Variants in PCLO observed in about 807,000 individuals in gnomAD.
The protein encoded by PCLO is protein piccolo.
In PCLO, 82 loss-of-function variants were observed where a neutral mutation model predicts 427.5. That is an observed-to-expected ratio of 0.19 (90% confidence interval 0.16 to 0.23). PCLO has a LOEUF of 0.23. PCLO is among the 10% of genes least tolerant of loss of function. The probability of loss-of-function intolerance (pLI) is 1.00; values close to 1 mark genes in which losing one functional copy is unlikely to be tolerated. For missense variants in PCLO, 6,239 were observed against 6,115.9 expected (o/e 1.02, Z -0.67); for synonymous variants, 2,357 against 2,155.4 (o/e 1.09, Z -2.59).
chr7:82,838,330 A>C lies in PCLO; in HGVS notation c.14110T>G (p.Tyr4704Asp). ...TGTATTATGAGATTTCCAAGATCAT[A>C]GTTAATTTGAAGCTTTAGGAGAGAG... ...ITGEIQLQIN[Y>D]DLGNLIIHIL... is the part of the protein sequence containing the mutation. Residue 4704 changes from tyrosine (Y) to aspartate (D), a missense_variant, in exon 15 of 25, where the codon TAT (tyrosine) becomes GAT (aspartate). Tyr to Asp is a radical substitution (Grantham distance 160). Transcript: ENST00000333891. 6.7e-7 allele frequency: 1 copy of C among 1,503,312 alleles called. No individual in the cohort carries two copies. Among genetic ancestry groups the C allele is most frequent in the Non-Finnish European group, 9.1e-7 (1 of 1,096,164 alleles). The allele number at this position is 1,503,312 out of a possible 1,614,324, so 93.1% of individuals were successfully genotyped here. A position where few individuals can be genotyped will look rare whatever the true frequency, so the allele number is the denominator to read the frequency against.
At chr7:83,070,387 G>GT (rs1562949232) in intron 3 of PCLO, among the ~76,000 whole-genome samples, 3 of 130,286 alleles carry the variant, frequency 2.3e-5, no homozygotes, top group Non-Finnish European at 1.6e-5. Flanking sequence ...TACGTTTTGT[G>GT]GTTTTTTTTT....
intron 2 of PCLO, among the ~76,000 whole-genome samples, chr7:83,144,855 T>C (rs1286473752): frequency 1.9e-4 from 29 of 152,212 alleles, no homozygotes; most frequent in Admixed American, 1.9e-3. Context: ...TGCTACTTGA[T>C]TTCTTTAAGT....
chr7:82,953,514 G>C lies in PCLO; in HGVS notation c.7439C>G (p.Thr2480Ser), dbSNP rs1240127451. The stretch of plus-strand genomic sequence containing the variant: ...AGGAGGAACAGGAGGAGGTGCAGTA[G>C]TACATATTCTTGTAACAGGTAATCC... ...SNGLPVTRIC[T>S]TAPPPVPPKP... Residue 2480 changes from threonine to serine, a missense_variant, in exon 5 of 25, where the codon ACT becomes AGT. Physicochemically the swap from Thr to Ser is moderately conservative, Grantham distance 58. Around this residue, in one of 5 missense-constraint regions of PCLO, gnomAD observed 4,677 missense variants for 4,468.4 expected, o/e 1.05. Transcript: ENST00000333891. The C allele has an allele frequency of 6.2e-7, 1 of 1,613,520 alleles. No individual in the cohort carries two copies. The highest frequency in any genetic ancestry group is 2.2e-5 in the East Asian group (1 of 44,842).
chr7:82,891,004 G>T (rs1346683321), intron 9 of PCLO, among the ~76,000 whole-genome samples: 1 of 151,804 alleles, frequency 6.6e-6, no homozygotes, highest in Admixed American at 6.6e-5. Context: ...TGCCTAGTGG[G>T]ACTAATAAAT....
At chr7:82,798,884 C>A (rs1421686637) in intron 22 of PCLO, among the ~76,000 whole-genome samples, 1 of 152,096 alleles carries the variant, frequency 6.6e-6, no homozygotes, top group African/African-American at 2.4e-5. Context: ...CCATCCTCAA[C>A]CCCCGCCCCT....
chr7:82,975,906 T>A (rs1210893218), intron 3 of PCLO, among the ~76,000 whole-genome samples: 1 of 152,186 alleles, frequency 6.6e-6, no homozygotes, highest in Non-Finnish European at 1.5e-5. Context: ...CTCCTTTGCC[T>A]TCTGCCATGA....
chr7:82,773,881 AG>A (rs907922900), intron 22 of PCLO, among the ~76,000 whole-genome samples: 1 of 152,150 alleles, frequency 6.6e-6, no homozygotes, highest in African/African-American at 2.4e-5. Flanking sequence ...TGAAGGTAAG[AG>A]GAGAGAGCCC....
chr7:82,824,246 G>T lies in PCLO; in HGVS notation c.14586C>A (p.Asp4862Glu). 2 of 1,610,916 alleles carry T rather than the reference G, an allele frequency of 1.2e-6. No individual in the cohort carries two copies. Among genetic ancestry groups the T allele is most frequent in the Non-Finnish European group, 1.7e-6 (2 of 1,178,220 alleles). ...AAAAATATTTCCTACCCTTTGATGG[G>T]TCAGGGAAGATACCATGGCTTCTGC... The part of the protein sequence containing the change: ...IKSRSHGIFP[D>E]PSKDMQVPTI... Residue 4862 changes from aspartate to glutamate, a missense_variant, in exon 19 of 25, where the codon GAC (aspartate) becomes GAA (glutamate). Physicochemically the swap from Asp to Glu is conservative, Grantham distance 45 (BLOSUM62 2). Coordinates refer to ENST00000333891, the MANE Select transcript of PCLO (RefSeq NM_033026.6).
rs1337584117 is a variant in PCLO at position 83,162,398 on chromosome 7, C to A, written c.195G>T (p.Gly65=). 6.3e-7 allele frequency: 1 copy of A among 1,598,646 alleles called. No homozygotes were observed. Among genetic ancestry groups the A allele is most frequent in the Non-Finnish European group, 8.5e-7 (1 of 1,172,508 alleles). ...QIAAVMSRAQ[G]LPKGSVPPAA... ...CCGGGGGGACGCTTCCCTTGGGCAGCCCCTGCGCCCTTGACATGACAGCGG... is the reference window on the plus strand; with the variant it reads ...CCGGGGGGACGCTTCCCTTGGGCAGACCCTGCGCCCTTGACATGACAGCGG... Residue 65 remains glycine, a synonymous_variant, in exon 1 of 25, where the codon GGG becomes GGT. Coordinates refer to ENST00000333891, the MANE Select transcript of PCLO (RefSeq NM_033026.6).
chr7:82,792,535 C>T (rs62461384), intron 22 of PCLO, among the ~76,000 whole-genome samples: 4,933 of 152,064 alleles, frequency 0.032, 108 homozygotes, highest in South Asian at 0.053. Context: ...GTCATGTTGC[C>T]TAGGCTTCTC....
At chr7:82,761,097 C>A (rs138354320) in intron 23 of PCLO, among the ~76,000 whole-genome samples, 2 of 151,040 alleles carry the variant, frequency 1.3e-5, no homozygotes, top group African/African-American at 4.9e-5. Context: ...CAGGCAGGAG[C>A]GACCACACCT....
At chr7:82,770,722 G>T (rs928697628) in intron 22 of PCLO, among the ~76,000 whole-genome samples, 13 of 151,736 alleles carry the variant, frequency 8.6e-5, no homozygotes, top group African/African-American at 3.1e-4. Context: ...TCCTCTAAAA[G>T]ATCAAAGGCC....
chr7:83,060,212 T>A (rs1789510163), intron 3 of PCLO, among the ~76,000 whole-genome samples: 1 of 152,112 alleles, frequency 6.6e-6, no homozygotes, highest in African/African-American at 2.4e-5. Flanking sequence ...AGACCTGAGC[T>A]TCCTTTTAAA....
intron 3 of PCLO, among the ~76,000 whole-genome samples, chr7:83,077,145 T>C (rs1443610634): frequency 1.3e-5 from 2 of 152,168 alleles, no homozygotes. Flanking sequence ...GCCCTTTTCA[T>C]AGAAGCTAAC....
At position 82,768,218 on chromosome 7, in the gene PCLO, T is replaced by A. The variant is rs191172958; in HGVS notation, c.15008-6725A>T. 2.0e-5 allele frequency among the ~76,000 whole-genome samples: 3 copies of A among 151,956 alleles called. 1 individual carries two copies. Among genetic ancestry groups the A allele is most frequent in the Non-Finnish European group, 4.4e-5 (3 of 67,978 alleles). On this transcript the variant is annotated intron_variant, in intron 22 of 24. Coordinates refer to ENST00000333891, the MANE Select transcript of PCLO (RefSeq NM_033026.6). ...TGGATGGATCATTTGAGGACAGGAG[T>A]TCGAGACCAGCCTGGCCAACATGGC...
At chr7:83,114,723 G>A (rs1791089880) in intron 3 of PCLO, among the ~76,000 whole-genome samples, 1 of 151,920 alleles carries the variant, frequency 6.6e-6, no homozygotes, top group Non-Finnish European at 1.5e-5. Context: ...ATTGCATTGG[G>A]CCCATTAGTT....
rs574590559 is a variant in PCLO, at chr7:82,953,368, T to C, written c.7585A>G (p.Ile2529Val). 105 of 1,613,770 alleles carry C rather than the reference T, an allele frequency of 6.5e-5. 2 individuals are homozygous for C. The South Asian group carries it at 1.0e-3, about 16-fold the overall frequency. Residue 2529 changes from isoleucine to valine, a missense_variant, in exon 5 of 25, where the codon ATA becomes GTA. Transcript: ENST00000333891. ...GATAGGCCTGTTGGTTTGGGGTGTA[T>C]ATCTGTTGGTTTTTGTGTAGTTGTT... The part of the protein sequence containing the change: ...LPTTTQKPTD[I>V]HPKPTGLSLT...
intron 3 of PCLO, among the ~76,000 whole-genome samples, chr7:83,131,207 G>A (rs1405057190): frequency 6.6e-6 from 1 of 152,122 alleles, no homozygotes; most frequent in East Asian, 1.9e-4. Context: ...TAAAAGAATT[G>A]TCTCTTGCTG....
At chr7:82,840,358 T>C (rs1792337528) in intron 14 of PCLO, among the ~76,000 whole-genome samples, 1 of 152,100 alleles carries the variant, frequency 6.6e-6, no homozygotes, top group South Asian at 2.1e-4. Context: ...AGTAGGTTCC[T>C]GGATAATCAC....
Sources: allele counts gnomAD v4.1 joint callset (sites outside exome capture counted in the v4.1 genomes callset), GRCh38; gene constraint gnomAD v4.1.1; regional missense constraint gnomAD v4.1.1; transcripts MANE v1.5; gene names NCBI Gene and HGNC (gene_info 2026-07-23, HGNC 2026-07-21).